RCBTB1: variants seen among roughly 807,000 people sequenced by gnomAD.
RCBTB1 encodes the protein RCC1 and BTB domain containing protein 1, also known as RCC1 and BTB domain-containing protein 1.
A neutral mutation model predicts 62.4 loss-of-function variants in RCBTB1; 46 were observed. The observed-to-expected ratio is 0.74, with a 90% CI of 0.58 to 0.94. The LOEUF is 0.94. RCBTB1 is among the 40% of genes least tolerant of loss of function. The probability of loss-of-function intolerance (pLI) is 0.00; values close to 1 mark genes in which losing one functional copy is unlikely to be tolerated. For missense variants in RCBTB1, 565 were observed against 654.9 expected, an observed-to-expected ratio of 0.86 and a Z score of 1.50; for synonymous variants, 222 against 245.8, an observed-to-expected ratio of 0.90 and a Z score of 0.91.
intron 9 of RCBTB1, chr13:49,546,072 G>T (rs1960760913): frequency 1.0e-6 from 1 of 984,870 alleles, no homozygotes; most frequent in Admixed American, 6.2e-5. Context: ...CTGGATCACT[G>T]GTGGGTAAAA....
intron 2 of RCBTB1, among the ~76,000 whole-genome samples, chr13:49,576,679 G>C (rs1368431556): frequency 6.6e-6 from 1 of 152,112 alleles, no homozygotes; most frequent in Non-Finnish European, 1.5e-5. Flanking sequence ...TAATTAGAAT[G>C]TCAGTCATCT....
At position 49,534,006 on chromosome 13, in the gene RCBTB1, A is replaced by G. The variant is rs1959739272; in HGVS notation, c.*116T>C. On this transcript the variant is annotated 3_prime_UTR_variant, in exon 13 of 13. Transcript: ENST00000378302. Reference sequence around the variant, plus strand: ...ACAAACAACTGTGTCCCAGATGTGGAAAAAAACAACCTGATGGTCTTTTAC... The same window carrying G: ...ACAAACAACTGTGTCCCAGATGTGGGAAAAAACAACCTGATGGTCTTTTAC... 1.7e-6 allele frequency: 2 copies of G among 1,177,690 alleles called. No individual in the cohort carries two copies. The highest frequency in any genetic ancestry group is 2.4e-6 in the Non-Finnish European group (2 of 845,412). The allele number at this position is 1,177,690 out of a possible 1,614,324, so 73.0% of individuals were successfully genotyped here.
chr13:49,567,314 G>T lies in RCBTB1; in HGVS notation c.-35C>A, dbSNP rs552760748. ...TTCAAGCAATTCCTATAAATAAGCC[G>T]ACATCTCTGCTGGAACAGAAAGGAT... On this transcript the variant is annotated 5_prime_UTR_variant, in exon 3 of 13. It introduces an in-frame stop codon into an upstream open reading frame of the 5' UTR. Coordinates refer to ENST00000378302, the MANE Select transcript of RCBTB1 (RefSeq NM_018191.4). 6.2e-7 allele frequency: 1 copy of T among 1,607,252 alleles called. No homozygotes were observed. Among genetic ancestry groups the T allele is most frequent in the Non-Finnish European group, 8.5e-7 (1 of 1,175,552 alleles).
Position 49,581,737 on chromosome 13 carries a change from A to G in RCBTB1, c.-121-1153T>C, listed in dbSNP as rs116740525. On this transcript the variant is annotated intron_variant, in intron 1 of 12. Transcript: ENST00000378302. ...GGAAAACCAGGAGACAGAGTGTCAC[A>G]GAGATCTGGGGACTTGAGCATCACA... 6.2e-3 allele frequency among the ~76,000 whole-genome samples: 952 copies of G among 152,370 alleles called. 5 individuals carry two copies. The highest frequency in any genetic ancestry group is 0.02 in the African/African-American group (838 of 41,594).
At chr13:49,555,980 A>C (rs1961827078) in intron 5 of RCBTB1, among the ~76,000 whole-genome samples, 1 of 152,160 alleles carries the variant, frequency 6.6e-6, no homozygotes. Context: ...AACCCCAAGC[A>C]GTCTAGCTAT....
rs1224077829 is a variant in RCBTB1, at chr13:49,544,323, G to A, written c.1172+414C>T. 2.0e-5 allele frequency among the ~76,000 whole-genome samples: 3 copies of A among 152,042 alleles called. No individual in the cohort carries two copies. In the East Asian group the frequency reaches 5.8e-4, roughly 29 times the overall value. On this transcript the variant is annotated intron_variant, in intron 10 of 12. Transcript: ENST00000378302. ...CATCTCTATTATAAATACAAAATTA[G>A]CCAGGCATGGTGGCGCCTGCCTGTA...
chr13:49,557,428 A>G (rs990073387), intron 5 of RCBTB1, among the ~76,000 whole-genome samples: 1 of 152,192 alleles, frequency 6.6e-6, no homozygotes, highest in Non-Finnish European at 1.5e-5. Flanking sequence ...GACCTTTAAG[A>G]TAAGCACAAC....
intron 12 of RCBTB1, among the ~76,000 whole-genome samples, chr13:49,537,567 C>T (rs1960034742): frequency 6.6e-6 from 1 of 152,188 alleles, no homozygotes; most frequent in Non-Finnish European, 1.5e-5. Context: ...ATATAAGTTG[C>T]TTAGCACACA....
intron 1 of RCBTB1, among the ~76,000 whole-genome samples, chr13:49,580,938 G>A (rs117668059): frequency 4.4e-3 from 665 of 152,310 alleles, no homozygotes; most frequent in Non-Finnish European, 7.8e-3. Context: ...CAGTGTGGCT[G>A]GTCAGATGCT....
chr13:49,538,401 G>A (rs982044656), intron 12 of RCBTB1, among the ~76,000 whole-genome samples: 8 of 152,114 alleles, frequency 5.3e-5, no homozygotes, highest in African/African-American at 1.9e-4. Context: ...AACTTGTATT[G>A]TAACCTAAGA....
At chr13:49,573,785 CTCTT>C (rs1340301490) in intron 2 of RCBTB1, among the ~76,000 whole-genome samples, 11 of 108,134 alleles carry the variant, frequency 1.0e-4, no homozygotes, top group Non-Finnish European at 1.8e-4. Context: ...CCAAATTTCT[CTCTT>C]TTTTTTTTTT....
rs533950044 is a variant in RCBTB1, at chr13:49,545,531, C to A, written c.1046-668G>T. 2.6e-5 allele frequency among the ~76,000 whole-genome samples: 4 copies of A among 152,258 alleles called. No individual in the cohort carries two copies. The East Asian group carries it at 7.7e-4, about 29-fold the overall frequency. ...TCACCTTACCTGATAAGAAGAATTG[C>A]TGTTGTGGTTATATGTTAAGTAGAA... On this transcript the variant is annotated intron_variant, in intron 9 of 12. Transcript: ENST00000378302.
intron 9 of RCBTB1, among the ~76,000 whole-genome samples, chr13:49,548,033 C>T (rs1960965475): frequency 6.6e-6 from 1 of 152,104 alleles, no homozygotes; most frequent in Non-Finnish European, 1.5e-5. Flanking sequence ...CCCACCTTGG[C>T]CTCCCAAAGT....
intron 2 of RCBTB1, among the ~76,000 whole-genome samples, chr13:49,567,699 A>G (rs1963120198): frequency 6.6e-6 from 1 of 152,108 alleles, no homozygotes. Flanking sequence ...CTGCAGCTGG[A>G]GCATGCTTAG....
intron 12 of RCBTB1, among the ~76,000 whole-genome samples, chr13:49,539,697 T>C (rs1960206197): frequency 6.6e-6 from 1 of 152,138 alleles, no homozygotes; most frequent in African/African-American, 2.4e-5. Flanking sequence ...GTTCAGGGTG[T>C]CACAGGAAGG....
intron 1 of RCBTB1, among the ~76,000 whole-genome samples, chr13:49,582,417 A>G (rs1964156865): frequency 6.6e-6 from 1 of 152,098 alleles, no homozygotes; most frequent in Non-Finnish European, 1.5e-5. Context: ...AACTCGGGAG[A>G]CGGAGGTTGC....
At chr13:49,575,300 A>C (rs1398768054) in intron 2 of RCBTB1, among the ~76,000 whole-genome samples, 1 of 152,212 alleles carries the variant, frequency 6.6e-6, no homozygotes, top group Non-Finnish European at 1.5e-5. Flanking sequence ...ATACACTGTT[A>C]GTGGGAATGT....
At chr13:49,548,367 T>A (rs7992396) in intron 9 of RCBTB1, among the ~76,000 whole-genome samples, 4 of 146,476 alleles carry the variant, frequency 2.7e-5, no homozygotes, top group Admixed American at 1.4e-4. Flanking sequence ...CCAGCCTGGG[T>A]AACAGAGTGA....
chr13:49,555,430 C>T, intron 6 of RCBTB1, 85 bp downstream of exon 6: 3 of 1,138,910 alleles, frequency 2.6e-6, no homozygotes, highest in Non-Finnish European at 4.0e-6. Flanking sequence ...CTTCCTTCTT[C>T]CATCTGATAC....
Sources: allele counts gnomAD v4.1 joint callset (sites outside exome capture counted in the v4.1 genomes callset), GRCh38; gene constraint gnomAD v4.1.1; transcripts MANE v1.5; gene names NCBI Gene and HGNC (gene_info 2026-07-23, HGNC 2026-07-21).